XPNPEP2: variants seen among roughly 807,000 people sequenced by gnomAD.
The protein encoded by XPNPEP2 is X-prolyl aminopeptidase 2.
Under a neutral mutation model 59.8 loss-of-function variants are expected in XPNPEP2, and 64 were observed. The ratio of observed to expected loss-of-function variants is 1.07; its 90% CI spans 0.87 to 1.32. The LOEUF (loss-of-function observed/expected upper bound fraction) is 1.32. Among genes scored for constraint, XPNPEP2 ranks in the 40% most tolerant of loss-of-function variants. XPNPEP2 has a pLI of 0.00. For synonymous variants in XPNPEP2, 235 were observed against 210.0 expected (o/e 1.12, Z -1.03); for missense variants, 575 against 546.8 (o/e 1.05, Z -0.51).
At chrX:129,752,413 T>C in intron 10 of XPNPEP2, 68 bp downstream of exon 10, 1 of 1,094,194 alleles carries the variant, frequency 9.1e-7, no homozygotes, top group Non-Finnish European at 1.2e-6. Context: ...AGTCTTAACC[T>C]AAAGTGAGGT....
At position 129,761,260 on chromosome X, in the gene XPNPEP2, C is replaced by A. The variant is rs1339107732; in HGVS notation, c.1587C>A (p.Phe529Leu). 3.3e-6 allele frequency: 4 copies of A among 1,210,985 alleles called. No homozygotes were observed. Among genetic ancestry groups the A allele is most frequent in the Non-Finnish European group, 4.5e-6 (4 of 894,631 alleles). ...GHGTGHGIGNFLCVHEWPVGF... is the reference protein window; with the variant it reads ...GHGTGHGIGNLLCVHEWPVGF... ...GGACAGGCCACGGCATTGGCAACTTCCTGTGTGTGCATGAGTGTAGGTGTC... is the reference window on the plus strand; with the variant it reads ...GGACAGGCCACGGCATTGGCAACTTACTGTGTGTGCATGAGTGTAGGTGTC... The change falls in exon 17 of 21, where the codon TTC (phenylalanine) becomes TTA (leucine). Residue 529 changes from phenylalanine (F) to leucine (L), a missense_variant. Physicochemically the swap from Phe to Leu is conservative, Grantham distance 22. Coordinates refer to ENST00000371106, the MANE Select transcript of XPNPEP2 (RefSeq NM_003399.6).
At chrX:129,742,216 TG>T in intron 2 of XPNPEP2, 35 bp downstream of exon 2, 1 of 638,200 alleles carries the variant, frequency 1.6e-6, no homozygotes, top group Non-Finnish European at 2.0e-6. Flanking sequence ...ACGGCCCCCC[TG>T]GCCCCACGCA....
intron 14 of XPNPEP2, among the ~76,000 whole-genome samples, chrX:129,757,063 T>TACACACACACACAC (rs745496024): frequency 1.2e-5 from 1 of 84,851 alleles, no homozygotes; most frequent in African/African-American, 5.9e-5. Context: ...CACATATATA[T>TACACACACACACAC]ACACACACAT....
Position 129,768,538 on chromosome X carries a change from T to C in XPNPEP2, c.*53T>C. On this transcript the variant is annotated 3_prime_UTR_variant, in exon 21 of 21. Coordinates refer to ENST00000371106, the MANE Select transcript of XPNPEP2 (RefSeq NM_003399.6). Reference sequence around the variant, plus strand: ...CATCTAGATGGGGGGCTCCCTTGCTTAGCTCCCCTCACCCTGCACTGAACA... The same window carrying C: ...CATCTAGATGGGGGGCTCCCTTGCTCAGCTCCCCTCACCCTGCACTGAACA... The C allele has an allele frequency of 9.5e-7, 1 of 1,049,371 alleles. No homozygotes were observed. Among genetic ancestry groups the C allele is most frequent in the South Asian group, 2.5e-5 (1 of 40,646 alleles). The allele number at this position is 1,049,371 out of a possible 1,213,427, so 86.5% of individuals were successfully genotyped here. A position where few individuals can be genotyped will look rare whatever the true frequency, so the allele number is the denominator to read the frequency against.
In XPNPEP2 at chrX:129,742,252, C is replaced by T. The variant is rs1190835875; in HGVS notation, c.123+71C>T. On this transcript the variant is annotated intron_variant, in intron 2 of 20. Transcript: ENST00000371106. ...ACCCCCCCACCCCTGCCCCACGCAC[C>T]CCTGCACCGCAGCACCCCCGCCCTG... 6.5e-5 allele frequency: 39 copies of T among 599,711 alleles called. 1 individual carries two copies. The Admixed American group carries it at 1.2e-3, about 18-fold the overall frequency. The allele number at this position is 599,711 out of a possible 1,213,427, so 49.4% of individuals were successfully genotyped here. A position where few individuals can be genotyped will look rare whatever the true frequency, so the allele number is the denominator to read the frequency against.
intron 19 of XPNPEP2, among the ~76,000 whole-genome samples, chrX:129,765,635 CTTTTTT>C (rs56014067): frequency 1.5e-5 from 1 of 67,342 alleles, no homozygotes; most frequent in African/African-American, 6.0e-5. Flanking sequence ...TTCTTTCTTT[CTTTTTT>C]TTTTTTTTTT....
intron 20 of XPNPEP2, 128 bp downstream of exon 20, chrX:129,767,820 A>G: frequency 3.0e-6 from 2 of 660,943 alleles, no homozygotes; most frequent in Non-Finnish European, 4.8e-6. Flanking sequence ...GCAGACACAC[A>G]CTGGGGCATT....
chrX:129,742,099 G>T lies in XPNPEP2; in HGVS notation c.50-9G>T. 8.3e-7 allele frequency: 1 copy of T among 1,207,528 alleles called. No individual in the cohort carries two copies. Among genetic ancestry groups the T allele is most frequent in the Non-Finnish European group, 1.1e-6 (1 of 892,773 alleles). ...CCAAATGACCCTGGATTTTTCTCCC[G>T]GCTTCTAGCTTGTGCCTGGGGCCAC... On this transcript the variant is annotated splice_polypyrimidine_tract_variant and intron_variant, in intron 1 of 20. Transcript: ENST00000371106.
At chrX:129,746,923 A>G in intron 6 of XPNPEP2, 2 of 396,899 alleles carry the variant, frequency 5.0e-6, no homozygotes, top group Non-Finnish European at 8.8e-6. Flanking sequence ...GACCCAACCT[A>G]GAAGACTCAG....
At chrX:129,759,484 TA>T (rs747753874) in intron 15 of XPNPEP2, among the ~76,000 whole-genome samples, 128 of 112,575 alleles carry the variant, frequency 1.1e-3, no homozygotes, top group Non-Finnish European at 2.0e-3. Context: ...AGTGCACAAA[TA>T]TTTTTTTGTT....
In XPNPEP2 at chrX:129,754,551, CG is replaced by C. The variant is rs1926481337; in HGVS notation, c.1192del (p.Ala398GlnfsTer27). The part of the protein sequence containing the change: ...NVPKGTVDEF[S>X]GAEIVDKFRG... ...CCCAAAGGCACAGTGGATGAGTTCT[CG>C]GGGGCAGAGATCGTGGACAAGTTCC... On this transcript the variant is annotated frameshift_variant, in exon 12 of 21. Coordinates refer to ENST00000371106, the MANE Select transcript of XPNPEP2 (RefSeq NM_003399.6). LOFTEE classifies it high-confidence loss of function. 1 of 1,188,917 alleles carries C rather than the reference CG, an allele frequency of 8.4e-7. No homozygotes were observed. Among genetic ancestry groups the C allele is most frequent in the South Asian group, 1.9e-5 (1 of 53,554 alleles).
At chrX:129,762,798 G>A (rs1210491802) in intron 19 of XPNPEP2, 28 bp downstream of exon 19, 2 of 1,176,280 alleles carry the variant, frequency 1.7e-6, no homozygotes, top group Non-Finnish European at 1.2e-6. Flanking sequence ...TGGGCTGGAG[G>A]TGTGGGCAGC....
rs140045709 is a variant in XPNPEP2, at chrX:129,760,529, G to A, written c.1446G>A (p.Val482=). The A allele has an allele frequency of 1.7e-6, 2 of 1,210,597 alleles. No individual in the cohort carries two copies. The highest frequency in any genetic ancestry group is 3.5e-5 in the African/African-American group (2 of 57,417). Residue 482 remains valine (V), a synonymous_variant, in exon 16 of 21, where the codon GTG becomes GTA. Transcript: ENST00000371106. The part of the protein sequence containing the change: ...SAFQKEAYTR[V]LIGNIDLSRL... ...CCCATCAGGAGGCATACACCCGTGT[G>A]CTGATAGGAAATATTGACCTGTCCA...
Position 129,743,944 on chromosome X carries a change from T to C in XPNPEP2, c.124-17T>C. On this transcript the variant is annotated splice_polypyrimidine_tract_variant and intron_variant, in intron 2 of 20. Coordinates refer to ENST00000371106, the MANE Select transcript of XPNPEP2 (RefSeq NM_003399.6). ...ATCTGTTTGTTTGTGTCTCAATGTC[T>C]TCTTGTCATCTGTCAGTACCTTCCA... 1.7e-6 allele frequency: 2 copies of C among 1,195,296 alleles called. No individual in the cohort carries two copies. The highest frequency in any genetic ancestry group is 2.3e-6 in the Non-Finnish European group (2 of 880,721).
chrX:129,755,557 G>A (rs995974724), intron 13 of XPNPEP2, among the ~76,000 whole-genome samples, 186 bp downstream of exon 13: 1 of 111,757 alleles, frequency 8.9e-6, no homozygotes, highest in African/African-American at 3.3e-5. Context: ...TAATGAAAAG[G>A]CCTGAGAGCT....
intron 14 of XPNPEP2, among the ~76,000 whole-genome samples, chrX:129,758,035 G>A (rs191621962): frequency 8.1e-5 from 9 of 111,535 alleles, no homozygotes; most frequent in African/African-American, 2.6e-4. Flanking sequence ...GAGCTGAGCT[G>A]ACCTGAAAGA....
At chrX:129,751,862 C>T in intron 9 of XPNPEP2, 36 bp downstream of exon 9, 1 of 1,153,764 alleles carries the variant, frequency 8.7e-7, no homozygotes, top group Non-Finnish European at 1.2e-6. Context: ...TGTGGACTTT[C>T]TCCAACTTCC....
chrX:129,755,576 G>C (rs951843775), intron 13 of XPNPEP2, among the ~76,000 whole-genome samples: 2 of 111,855 alleles, frequency 1.8e-5, no homozygotes, highest in South Asian at 3.7e-4. Context: ...CTGGAGGCTG[G>C]GGGACCTGGA....
At chrX:129,746,396 G>A (rs760556561) in intron 5 of XPNPEP2, 56 bp downstream of exon 5, 1 of 1,107,237 alleles carries the variant, frequency 9.0e-7, no homozygotes, top group East Asian at 3.0e-5. Context: ...CTAGGTTCAG[G>A]AAGGTATAGG....
Sources: allele counts gnomAD v4.1 joint callset (sites outside exome capture counted in the v4.1 genomes callset), GRCh38; gene constraint gnomAD v4.1.1; transcripts MANE v1.5; gene names NCBI Gene and HGNC (gene_info 2026-07-23, HGNC 2026-07-21).